The following PTPRD variants were observed in gnomAD, a reference collection of about 807,000 sequenced individuals.
PTPRD encodes the protein receptor-type tyrosine-protein phosphatase delta.
PTPRD carries 34 observed loss-of-function variants against 214.5 expected under a neutral mutation model. That is an observed-to-expected ratio of 0.16 (90% CI 0.12 to 0.21). The LOEUF (loss-of-function observed/expected upper bound fraction) is 0.21. PTPRD is among the 10% of genes least tolerant of loss of function. The probability of loss-of-function intolerance (pLI) is 1.00; values close to 1 mark genes in which losing one functional copy is unlikely to be tolerated. For synonymous variants in PTPRD, 1,128 were observed against 845.7 expected (o/e 1.33, Z -5.79); for missense variants, 2,545 against 2,398.7 (o/e 1.06, Z -1.27).
intron 10 of PTPRD, among the ~76,000 whole-genome samples, chr9:9,024,736 T>C (rs1307166302): frequency 6.6e-6 from 1 of 151,964 alleles, no homozygotes; most frequent in Non-Finnish European, 1.5e-5. Context: ...CTTCATGTAT[T>C]GTTGCCTACT....
intron 4 of PTPRD, among the ~76,000 whole-genome samples, chr9:10,016,422 T>A (rs1042874645): frequency 2.7e-5 from 4 of 149,948 alleles, no homozygotes; most frequent in African/African-American, 9.8e-5. Flanking sequence ...AATTCTTTCT[T>A]ATTTCAGTAT....
At chr9:8,419,821 T>G (rs1658625882) in intron 35 of PTPRD, among the ~76,000 whole-genome samples, 1 of 151,842 alleles carries the variant, frequency 6.6e-6, no homozygotes, top group Admixed American at 6.6e-5. Flanking sequence ...TCACATACAT[T>G]CAAGTAACAG....
intron 9 of PTPRD, among the ~76,000 whole-genome samples, chr9:9,274,502 G>C (rs1230404926): frequency 6.6e-6 from 1 of 151,238 alleles, no homozygotes; most frequent in Non-Finnish European, 1.5e-5. Flanking sequence ...CCAAGGATGA[G>C]TCTCATTTAT....
intron 10 of PTPRD, among the ~76,000 whole-genome samples, chr9:9,097,554 A>G (rs1026563386): frequency 6.6e-6 from 1 of 151,498 alleles, no homozygotes; most frequent in Non-Finnish European, 1.5e-5. Context: ...GACTACAGGC[A>G]CCTGCCACCA....
chr9:8,606,642 T>C (rs905034005), intron 14 of PTPRD, among the ~76,000 whole-genome samples: 1 of 152,214 alleles, frequency 6.6e-6, no homozygotes, highest in Admixed American at 6.5e-5. Context: ...AAATCCATTC[T>C]GCCTTTCTCC....
intron 10 of PTPRD, among the ~76,000 whole-genome samples, chr9:9,052,089 C>A (rs531061490): frequency 6.6e-6 from 1 of 152,300 alleles, no homozygotes; most frequent in South Asian, 2.1e-4. Flanking sequence ...AGGAGCCACA[C>A]AGACTCAGTG....
At position 8,646,975 on chromosome 9, in the gene PTPRD, T is replaced by G. The variant is rs76682353; in HGVS notation, c.65-10131A>C. On this transcript the variant is annotated intron_variant, in intron 12 of 45. Coordinates refer to ENST00000381196, the MANE Select transcript of PTPRD (RefSeq NM_002839.4). ...CCTCTATTACACGTATATTTGTTTA[T>G]AGTTTGGCGAATTAGCTATGGAATA... Among the ~76,000 whole-genome samples the G allele has an allele frequency of 1.7e-3, 264 of 152,340 alleles. 5 individuals are homozygous for G. Among genetic ancestry groups the G allele is most frequent in the African/African-American group, 6.3e-3 (260 of 41,566 alleles).
chr9:10,172,591 G>A (rs140302400), intron 3 of PTPRD, among the ~76,000 whole-genome samples: 8 of 152,040 alleles, frequency 5.3e-5, no homozygotes, highest in Admixed American at 2.6e-4. Flanking sequence ...CATTTGATGC[G>A]GCTGGTTAAC....
At chr9:8,498,922 T>C (rs1179256935) in intron 25 of PTPRD, among the ~76,000 whole-genome samples, 1 of 152,216 alleles carries the variant, frequency 6.6e-6, no homozygotes, top group Admixed American at 6.5e-5. Context: ...TTCAATGCTC[T>C]GTTTTAAACA....
At chr9:8,353,908 G>GTATATATGTGTATATATGTATATA in intron 39 of PTPRD, among the ~76,000 whole-genome samples, 1 of 121,608 alleles carries the variant, frequency 8.2e-6, no homozygotes, top group African/African-American at 4.0e-5. Context: ...ATGTATATAT[G>GTATATATGTGTATATATGTATATA]TGTATATATG....
intron 3 of PTPRD, among the ~76,000 whole-genome samples, chr9:10,231,588 G>A (rs1179913835): frequency 2.6e-5 from 4 of 151,964 alleles, no homozygotes; most frequent in Middle Eastern, 3.4e-3. Flanking sequence ...ACATGCATGC[G>A]TGAACCTGTG....
intron 3 of PTPRD, among the ~76,000 whole-genome samples, chr9:10,039,541 A>G (rs2097257335): frequency 6.6e-6 from 1 of 152,098 alleles, no homozygotes; most frequent in Non-Finnish European, 1.5e-5. Flanking sequence ...AACACACTTT[A>G]ATTTCCACCT....
At chr9:9,681,884 A>T (rs2097080726) in intron 7 of PTPRD, among the ~76,000 whole-genome samples, 1 of 151,906 alleles carries the variant, frequency 6.6e-6, no homozygotes, top group Non-Finnish European at 1.5e-5. Flanking sequence ...TGACAAGAAG[A>T]AAGTAATAAT....
At chr9:9,521,840 G>T (rs1186950390) in intron 8 of PTPRD, among the ~76,000 whole-genome samples, 2 of 151,970 alleles carry the variant, frequency 1.3e-5, no homozygotes, top group Non-Finnish European at 2.9e-5. Flanking sequence ...TTCTTTGGGG[G>T]CTTATAAATA....
intron 4 of PTPRD, among the ~76,000 whole-genome samples, chr9:9,990,937 C>T (rs904249454): frequency 7.1e-6 from 1 of 141,640 alleles, no homozygotes; most frequent in Non-Finnish European, 1.5e-5. Flanking sequence ...GTAAAATAGT[C>T]TTTTTTTTTT....
chr9:10,065,187 G>GAAAGAAAGA (rs1204307146), intron 3 of PTPRD, among the ~76,000 whole-genome samples: 23 of 151,776 alleles, frequency 1.5e-4, no homozygotes, highest in African/African-American at 4.6e-4. Context: ...AAGAAAGAAA[G>GAAAGAAAGA]AAAGAAAAGG....
chr9:9,137,144 T>C (rs924693088), intron 10 of PTPRD, among the ~76,000 whole-genome samples: 4 of 152,212 alleles, frequency 2.6e-5, no homozygotes, highest in Non-Finnish European at 5.9e-5. Context: ...GAATGCAGAA[T>C]CAAGTAAGGC....
chr9:8,648,513 A>G (rs907467042), intron 12 of PTPRD, among the ~76,000 whole-genome samples: 1 of 152,218 alleles, frequency 6.6e-6, no homozygotes, highest in South Asian at 2.1e-4. Flanking sequence ...TTCTTAATGA[A>G]AACATGTTAT....
intron 14 of PTPRD, among the ~76,000 whole-genome samples, chr9:8,618,050 CAACT>C (rs1042293140): frequency 5.1e-4 from 78 of 152,152 alleles, no homozygotes; most frequent in African/African-American, 1.7e-3. Context: ...AAGAATTGCC[CAACT>C]GAGTAGAACT....
Sources: allele counts gnomAD v4.1 joint callset (sites outside exome capture counted in the v4.1 genomes callset), GRCh38; gene constraint gnomAD v4.1.1; transcripts MANE v1.5; gene names NCBI Gene and HGNC (gene_info 2026-07-23, HGNC 2026-07-21).